BTAF1: variants seen among roughly 807,000 people sequenced by gnomAD.
BTAF1 encodes the protein TATA-binding protein-associated factor 172.
Under a neutral mutation model 227.1 loss-of-function variants are expected in BTAF1, and 38 were observed. The observed-to-expected ratio is 0.17, with a 90% confidence interval of 0.13 to 0.22. The LOEUF (loss-of-function observed/expected upper bound fraction) is 0.22. BTAF1 is among the 10% of genes least tolerant of loss of function. The probability of loss-of-function intolerance (pLI) is 1.00; values close to 1 mark genes in which losing one functional copy is unlikely to be tolerated. For missense variants in BTAF1, 1,598 were observed against 2,204.0 expected (o/e 0.73, Z 5.51); for synonymous variants, 742 against 751.9 (o/e 0.99, Z 0.21).
intron 5 of BTAF1, among the ~76,000 whole-genome samples, 194 bp from the exon 6 acceptor site, chr10:91,953,543 A>G (rs1845903289): frequency 6.6e-6 from 1 of 152,224 alleles, no homozygotes; most frequent in African/African-American, 2.4e-5. Context: ...GGGAGTTGGA[A>G]TAACAGAGAA....
intron 6 of BTAF1, among the ~76,000 whole-genome samples, chr10:91,956,197 C>A (rs897728708): frequency 6.6e-6 from 1 of 151,948 alleles, no homozygotes; most frequent in Non-Finnish European, 1.5e-5. Flanking sequence ...GGACCAGATG[C>A]AGGTTATATG....
At chr10:92,025,097 A>G in intron 35 of BTAF1, 130 bp downstream of exon 35, 1 of 738,562 alleles carries the variant, frequency 1.4e-6, no homozygotes, top group Non-Finnish European at 2.2e-6. Flanking sequence ...TTCACCCCAA[A>G]TAAACCCCTT....
chr10:91,966,534 C>A (rs1846928771), intron 13 of BTAF1, 103 bp from the exon 14 acceptor site: 1 of 1,209,532 alleles, frequency 8.3e-7, no homozygotes, highest in Middle Eastern at 2.3e-4. Context: ...TCAAAAAAGT[C>A]ACATGGTGTC....
intron 19 of BTAF1, among the ~76,000 whole-genome samples, chr10:91,987,079 C>T (rs1848445087): frequency 6.7e-6 from 1 of 148,726 alleles, no homozygotes; most frequent in African/African-American, 2.5e-5. Flanking sequence ...AAATATCTCA[C>T]TGTCACTTCA....
intron 4 of BTAF1, among the ~76,000 whole-genome samples, chr10:91,947,340 G>T (rs1046187340): frequency 2.0e-5 from 3 of 152,052 alleles, no homozygotes; most frequent in African/African-American, 7.2e-5. Context: ...GAGTTTTATA[G>T]CTTTAGTTTT....
intron 14 of BTAF1, among the ~76,000 whole-genome samples, chr10:91,974,448 A>G (rs1847540101): frequency 1.3e-5 from 2 of 152,338 alleles, no homozygotes; most frequent in Non-Finnish European, 2.9e-5. Flanking sequence ...GTGGCATACC[A>G]TGGCATTTGT....
intron 33 of BTAF1, among the ~76,000 whole-genome samples, chr10:92,016,835 T>A (rs1850771995): frequency 6.6e-6 from 1 of 152,204 alleles, no homozygotes; most frequent in Non-Finnish European, 1.5e-5. Context: ...TATGGAATAA[T>A]AAAATACGGA....
rs1422542681 is a variant in BTAF1, at chr10:91,967,567, C to T, written c.1650+810C>T. Among the ~76,000 whole-genome samples, 4 of 152,044 alleles carry T rather than the reference C, an allele frequency of 2.6e-5. No individual in the cohort carries two copies. In the East Asian group the frequency reaches 7.7e-4, roughly 29 times the overall value. ...ATTAGGAACATTTTGTGTAGACTTG[C>T]CTTAGTGTGCAGCATGATACTCTGT... is the stretch of plus-strand genomic sequence containing the variant. On this transcript the variant is annotated intron_variant, in intron 14 of 37. Coordinates refer to ENST00000265990, the MANE Select transcript of BTAF1 (RefSeq NM_003972.3).
intron 4 of BTAF1, among the ~76,000 whole-genome samples, chr10:91,950,145 T>C (rs568785700): frequency 1.2e-4 from 2 of 17,208 alleles, no homozygotes; most frequent in Non-Finnish European, 1.3e-3. Context: ...ACCTTGTCCT[T>C]TGTGGGGGGG....
intron 2 of BTAF1, 80 bp downstream of exon 2, chr10:91,935,860 ACAT>A (rs1426667523): frequency 8.1e-7 from 1 of 1,242,134 alleles, no homozygotes; most frequent in Non-Finnish European, 1.1e-6. Context: ...ATAAAGGTAA[ACAT>A]CATCTTAATT....
chr10:92,027,694 A>T (rs1851615339), intron 37 of BTAF1, among the ~76,000 whole-genome samples: 1 of 152,170 alleles, frequency 6.6e-6, no homozygotes, highest in African/African-American at 2.4e-5. Context: ...TTATATATGT[A>T]AGCAGTCAGA....
intron 1 of BTAF1, among the ~76,000 whole-genome samples, chr10:91,928,453 G>A (rs1229148222): frequency 1.3e-5 from 2 of 152,120 alleles, no homozygotes; most frequent in Non-Finnish European, 2.9e-5. Context: ...CCAAATGTAG[G>A]AGTAGAGAAC....
intron 1 of BTAF1, among the ~76,000 whole-genome samples, chr10:91,927,524 T>A (rs1482546941): frequency 6.6e-6 from 1 of 152,220 alleles, no homozygotes. Context: ...AATTGTTCTC[T>A]TACTTGCTGG....
At chr10:91,998,563 A>T (rs1040980433) in intron 25 of BTAF1, among the ~76,000 whole-genome samples, 2 of 152,222 alleles carry the variant, frequency 1.3e-5, no homozygotes, top group Non-Finnish European at 2.9e-5. Context: ...AATGCAGGAA[A>T]CTGAAGTGGC....
At chr10:91,993,340 A>G (rs1848927757) in intron 21 of BTAF1, among the ~76,000 whole-genome samples, 2 of 152,216 alleles carry the variant, frequency 1.3e-5, no homozygotes, top group Non-Finnish European at 2.9e-5. Flanking sequence ...AGGACACATC[A>G]CTTCATCTAT....
intron 28 of BTAF1, among the ~76,000 whole-genome samples, chr10:92,009,793 G>A (rs959496363): frequency 6.6e-6 from 1 of 152,074 alleles, no homozygotes; most frequent in Non-Finnish European, 1.5e-5. Context: ...TTTTAGCATT[G>A]TTTCAGCTTT....
At chr10:91,959,390 T>C in intron 9 of BTAF1, 1 of 727,130 alleles carries the variant, frequency 1.4e-6, no homozygotes, top group South Asian at 2.7e-5. Context: ...GGTAATAGTA[T>C]AAATAATAGA....
intron 1 of BTAF1, among the ~76,000 whole-genome samples, chr10:91,934,530 G>A (rs967651142): frequency 3.3e-5 from 5 of 152,048 alleles, no homozygotes; most frequent in Non-Finnish European, 7.4e-5. Flanking sequence ...ACCACGCCCA[G>A]CTGAGTTTCC....
chr10:91,984,800 C>CT, intron 19 of BTAF1, among the ~76,000 whole-genome samples: 1 of 152,158 alleles, frequency 6.6e-6, no homozygotes, highest in Non-Finnish European at 1.5e-5. Flanking sequence ...AACACTCATA[C>CT]TTAACAGCTA....
Sources: allele counts gnomAD v4.1 joint callset (sites outside exome capture counted in the v4.1 genomes callset), GRCh38; gene constraint gnomAD v4.1.1; transcripts MANE v1.5; gene names NCBI Gene and HGNC (gene_info 2026-07-23, HGNC 2026-07-21).